The following MSI2 variants were observed in gnomAD, a reference collection of about 807,000 sequenced individuals.
MSI2 encodes RNA-binding protein Musashi homolog 2.
Under a neutral mutation model 45.6 loss-of-function variants are expected in MSI2, and 17 were observed. That is an observed-to-expected ratio of 0.37 (90% CI 0.26 to 0.56). The LOEUF is 0.56. Among genes scored for constraint, MSI2 ranks in the 20% least tolerant of loss-of-function variants. The pLI is 0.77. For synonymous variants in MSI2, 156 were observed against 158.2 expected, an observed-to-expected ratio of 0.99 and a Z score of 0.11; for missense variants, 293 against 444.2, an observed-to-expected ratio of 0.66 and a Z score of 3.06.
At chr17:57,632,338 G>A (rs3760162) in intron 10 of MSI2, 877,411 of 1,066,610 alleles carry the variant, frequency 0.82, 361,592 homozygotes, top group African/African-American at 0.95. Flanking sequence ...AAGAATGTGA[G>A]AAACCTGATC....
chr17:57,679,438 C>G (rs1913465008), intron 13 of MSI2, 111 bp from the exon 14 acceptor site: 2 of 423,450 alleles, frequency 4.7e-6, no homozygotes, highest in East Asian at 7.8e-5. Context: ...CTTTGAAACT[C>G]TAGTTAAAAC....
At chr17:57,370,471 C>A (rs1248823279) in intron 5 of MSI2, among the ~76,000 whole-genome samples, 1 of 152,140 alleles carries the variant, frequency 6.6e-6, no homozygotes, top group Admixed American at 6.5e-5. Flanking sequence ...GGCTGCTGTC[C>A]CATCTGTGGC....
chr17:57,426,666 C>T (rs1221580117), intron 6 of MSI2, among the ~76,000 whole-genome samples: 1 of 152,164 alleles, frequency 6.6e-6, no homozygotes, highest in Non-Finnish European at 1.5e-5. Flanking sequence ...GTGACAGTGT[C>T]CCCATCCTCG....
At chr17:57,432,830 C>T (rs2084623292) in intron 6 of MSI2, among the ~76,000 whole-genome samples, 1 of 152,210 alleles carries the variant, frequency 6.6e-6, no homozygotes, top group Non-Finnish European at 1.5e-5. Flanking sequence ...TTCACTCCTT[C>T]TCTCTTCTGT....
intron 6 of MSI2, among the ~76,000 whole-genome samples, chr17:57,471,790 C>T (rs1457298282): frequency 6.6e-6 from 1 of 152,136 alleles, no homozygotes; most frequent in Non-Finnish European, 1.5e-5. Context: ...ACCCTCTCAG[C>T]CCTTGACTCT....
chr17:57,563,178 G>A (rs545577960), intron 7 of MSI2, among the ~76,000 whole-genome samples: 2 of 150,354 alleles, frequency 1.3e-5, no homozygotes, highest in African/African-American at 2.5e-5. Context: ...AGGCTGCATA[G>A]TGGTCTAGCA....
intron 6 of MSI2, among the ~76,000 whole-genome samples, chr17:57,454,012 T>C (rs2143569557): frequency 6.6e-6 from 1 of 152,350 alleles, no homozygotes; most frequent in South Asian, 2.1e-4. Context: ...TGTGTGCTAT[T>C]ACCCACCTGT....
rs1174136681 is a variant in MSI2 at position 57,552,063 on chromosome 17, C to G, written c.454+22339C>G. Among the ~76,000 whole-genome samples, 2 of 152,170 alleles carry G rather than the reference C, an allele frequency of 1.3e-5. No homozygotes were observed. Among genetic ancestry groups the G allele is most frequent in the East Asian group, 3.9e-4 (2 of 5,194 alleles). On this transcript the variant is annotated intron_variant, in intron 7 of 13. Coordinates refer to ENST00000284073, the MANE Select transcript of MSI2 (RefSeq NM_138962.4). The surrounding 1 kb of genome is among the most constrained non-coding windows in gnomAD (Gnocchi z 4.3). The stretch of plus-strand genomic sequence containing the variant: ...AGAGAATGTGCTGGACCTAGAGCCC[C>G]TCGTCCTGGGGCTCAAGGACCCAGC...
intron 5 of MSI2, among the ~76,000 whole-genome samples, chr17:57,371,840 A>G (rs992681792): frequency 1.3e-5 from 2 of 151,770 alleles, no homozygotes; most frequent in Non-Finnish European, 2.9e-5. Flanking sequence ...GTTAAAGGCT[A>G]TGGATATTTT....
intron 6 of MSI2, among the ~76,000 whole-genome samples, chr17:57,420,101 T>G (rs150973101): frequency 3.3e-5 from 5 of 152,310 alleles, no homozygotes; most frequent in African/African-American, 9.6e-5. Flanking sequence ...ACCCATCTGC[T>G]GGGTCCTGGG....
intron 6 of MSI2, among the ~76,000 whole-genome samples, chr17:57,415,693 G>A (rs990937409): frequency 2.6e-5 from 4 of 151,540 alleles, no homozygotes; most frequent in Non-Finnish European, 5.9e-5. Flanking sequence ...CCAAATTGCT[G>A]ACTTTCACCA....
chr17:57,501,720 G>A (rs538647321), intron 6 of MSI2, among the ~76,000 whole-genome samples: 21 of 152,290 alleles, frequency 1.4e-4, no homozygotes, highest in African/African-American at 3.8e-4. Flanking sequence ...CGTTGGCAAC[G>A]AGACGGACCT....
intron 7 of MSI2, among the ~76,000 whole-genome samples, chr17:57,554,606 G>C (rs1364192479): frequency 6.6e-6 from 1 of 152,272 alleles, no homozygotes; most frequent in East Asian, 1.9e-4. Context: ...TTTTTAACAA[G>C]GATGATAAGA....
intron 5 of MSI2, among the ~76,000 whole-genome samples, chr17:57,358,444 A>C (rs1916600685): frequency 6.6e-6 from 1 of 152,160 alleles, no homozygotes; most frequent in Non-Finnish European, 1.5e-5. Flanking sequence ...ATTCATGCAA[A>C]GGCATCTTAT....
chr17:57,391,566 C>G (rs1213200910), intron 5 of MSI2, among the ~76,000 whole-genome samples: 2 of 152,130 alleles, frequency 1.3e-5, no homozygotes, highest in Admixed American at 6.6e-5. Flanking sequence ...GACCATCGTG[C>G]CACCATTTCT....
chr17:57,311,826 G>T (rs1389054674), intron 5 of MSI2, among the ~76,000 whole-genome samples: 1 of 152,136 alleles, frequency 6.6e-6, no homozygotes, highest in African/African-American at 2.4e-5. Context: ...AAGTAGCTGG[G>T]ACTAATGCAA....
intron 6 of MSI2, among the ~76,000 whole-genome samples, chr17:57,491,477 C>T (rs1234164384): frequency 6.6e-6 from 1 of 152,174 alleles, no homozygotes; most frequent in Non-Finnish European, 1.5e-5. Flanking sequence ...GCCTGGGGTT[C>T]AACATTTGTG....
intron 6 of MSI2, among the ~76,000 whole-genome samples, chr17:57,409,814 C>G (rs1021112008): frequency 6.6e-6 from 1 of 151,980 alleles, no homozygotes; most frequent in Non-Finnish European, 1.5e-5. Flanking sequence ...CGAGACCAGC[C>G]TGGCCAACAT....
chr17:57,444,027 G>A (rs902796242), intron 6 of MSI2, among the ~76,000 whole-genome samples: 3 of 152,204 alleles, frequency 2.0e-5, no homozygotes, highest in East Asian at 1.9e-4. Flanking sequence ...TGGGGGCAGA[G>A]CCAGGGAAGA....
Sources: gnomAD v4.1 joint callset for allele counts (sites outside exome capture counted in the v4.1 genomes callset) on GRCh38, gnomAD v4.1.1 for gene constraint, Gnocchi (gnomAD v3.1) non-coding constraint, MANE v1.5 for transcripts, NCBI Gene and HGNC (gene_info 2026-07-23, HGNC 2026-07-21) for gene names.